The following MAGI2 variants were observed in gnomAD, a reference collection of about 807,000 sequenced individuals.
MAGI2 encodes membrane associated guanylate kinase, WW and PDZ domain containing 2.
MAGI2 carries 35 observed loss-of-function variants against 133.3 expected under a neutral mutation model. The observed-to-expected ratio is 0.26, with a 90% confidence interval of 0.20 to 0.35. MAGI2 has a LOEUF of 0.35. Ranked by LOEUF, MAGI2 falls within the 10% of genes least tolerant of loss-of-function variation. The probability of loss-of-function intolerance (pLI) is 1.00; values close to 1 mark genes in which losing one functional copy is unlikely to be tolerated. For synonymous variants in MAGI2, 729 were observed against 710.6 expected (o/e 1.03, Z -0.41); for missense variants, 1,636 against 1,863.4 (o/e 0.88, Z 2.25).
Position 79,329,057 on chromosome 7 carries a change from T to C in MAGI2, c.301+123963A>G, listed in dbSNP as rs185011115. Among the ~76,000 whole-genome samples, 562 of 152,328 alleles carry C rather than the reference T, an allele frequency of 3.7e-3. 7 individuals are homozygous for C. Among genetic ancestry groups the C allele is most frequent in the Middle Eastern group, 6.8e-3 (2 of 294 alleles). ...TATGTTTAAAGAGTCCTAAAGATGA[T>C]TCTGGTGATAAGATTTCAGAACCAC... is the stretch of plus-strand genomic sequence containing the variant. On this transcript the variant is annotated intron_variant, in intron 1 of 21. Transcript: ENST00000354212.
At chr7:79,133,254 T>C (rs566355403) in intron 1 of MAGI2, among the ~76,000 whole-genome samples, 119 of 152,328 alleles carry the variant, frequency 7.8e-4, no homozygotes, top group African/African-American at 2.8e-3. Context: ...TTTTCCAACA[T>C]TATCTTCTAG....
chr7:78,597,166 G>C (rs1804696318), intron 3 of MAGI2, among the ~76,000 whole-genome samples: 1 of 152,098 alleles, frequency 6.6e-6, no homozygotes, highest in Admixed American at 6.6e-5. Context: ...TGAAAAACAT[G>C]CTGGCAGAAG....
chr7:79,052,410 A>G (rs1039971777), intron 1 of MAGI2, among the ~76,000 whole-genome samples: 9 of 152,186 alleles, frequency 5.9e-5, no homozygotes, highest in Non-Finnish European at 1.2e-4. Flanking sequence ...GCACAGGGCC[A>G]TTTTGAGCAT....
At chr7:78,283,530 G>C (rs1456836016) in intron 9 of MAGI2, among the ~76,000 whole-genome samples, 1 of 152,058 alleles carries the variant, frequency 6.6e-6, no homozygotes, top group African/African-American at 2.4e-5. Context: ...TGAGTTACCT[G>C]ACCATTGTTT....
At chr7:78,745,425 T>C (rs1822835214) in intron 2 of MAGI2, among the ~76,000 whole-genome samples, 1 of 152,088 alleles carries the variant, frequency 6.6e-6, no homozygotes, top group Non-Finnish European at 1.5e-5. Context: ...AACTCTACTA[T>C]CCTGATTTGC....
At chr7:78,455,302 G>A (rs1324330698) in intron 6 of MAGI2, among the ~76,000 whole-genome samples, 1 of 152,100 alleles carries the variant, frequency 6.6e-6, no homozygotes, top group Non-Finnish European at 1.5e-5. Context: ...CTACTTATCT[G>A]TTGTTATACT....
intron 1 of MAGI2, among the ~76,000 whole-genome samples, chr7:79,289,421 C>T (rs73373160): frequency 1.9e-3 from 291 of 152,244 alleles, no homozygotes; most frequent in African/African-American, 6.5e-3. Context: ...TATTTTCTAA[C>T]ACCTTTGAGG....
chr7:79,379,148 T>C (rs1168641815), intron 1 of MAGI2, among the ~76,000 whole-genome samples: 1 of 149,272 alleles, frequency 6.7e-6, no homozygotes, highest in Admixed American at 6.7e-5. Context: ...TGTGTGATGT[T>C]CCCCTTCCTG....
At chr7:78,209,515 C>A (rs1179037362) in intron 10 of MAGI2, among the ~76,000 whole-genome samples, 1 of 151,814 alleles carries the variant, frequency 6.6e-6, no homozygotes, top group Non-Finnish European at 1.5e-5. Flanking sequence ...CCCACCATGG[C>A]TTCCCAAAGT....
chr7:78,282,388 C>CTAT (rs1199564019), intron 9 of MAGI2, among the ~76,000 whole-genome samples: 13 of 152,080 alleles, frequency 8.5e-5, no homozygotes, highest in African/African-American at 2.9e-4. Flanking sequence ...AGCACACTGC[C>CTAT]TATTTTTGCA....
intron 2 of MAGI2, among the ~76,000 whole-genome samples, chr7:78,990,688 A>G (rs189070520): frequency 6.6e-6 from 1 of 152,214 alleles, no homozygotes; most frequent in East Asian, 1.9e-4. Context: ...GATAGATAAA[A>G]TAATAATAGA....
chr7:78,701,402 T>C (rs1444569620), intron 2 of MAGI2, among the ~76,000 whole-genome samples: 1 of 151,800 alleles, frequency 6.6e-6, no homozygotes, highest in African/African-American at 2.4e-5. Flanking sequence ...GAAATGCAGA[T>C]CATATTTGTA....
At chr7:78,669,585 T>A (rs1814087992) in intron 2 of MAGI2, among the ~76,000 whole-genome samples, 2 of 152,200 alleles carry the variant, frequency 1.3e-5, no homozygotes, top group South Asian at 2.1e-4. Context: ...GCCAGCATCA[T>A]CCTGATACCA....
rs907474336 is a variant in MAGI2, at chr7:78,715,590, A to G, written c.419-88351T>C. Among the ~76,000 whole-genome samples the G allele has an allele frequency of 6.6e-5, 10 of 152,242 alleles. No homozygotes were observed. The South Asian group carries it at 1.0e-3, about 16-fold the overall frequency. On this transcript the variant is annotated intron_variant, in intron 2 of 21. Transcript: ENST00000354212. ...AAAGCTGTAAGAAAGCAATGAGCAG[A>G]ATGATTAGCCTAATGACACAAATAT...
intron 1 of MAGI2, among the ~76,000 whole-genome samples, chr7:79,133,893 ATG>A (rs1487283271): frequency 6.6e-6 from 1 of 152,200 alleles, no homozygotes; most frequent in Admixed American, 6.5e-5. Context: ...ACTGGGACCC[ATG>A]TAATAACTAA....
Position 78,083,420 on chromosome 7 carries a change from G to GAGAGAGAGAGAC in MAGI2, c.3568-4347_3568-4336dup, listed in dbSNP as rs796936674. Reference sequence around the variant, plus strand: ...AGAGAGAGAGAGAGAGAGAGAGAGAGAGAGAGAGAGACAGAGAGAGAGACA... The same window carrying GAGAGAGAGAGAC: ...AGAGAGAGAGAGAGAGAGAGAGAGAGAGAGAGAGAGACAGAGAGAGAGACAGAGAGAGAGACA... On this transcript the variant is annotated intron_variant, in intron 20 of 21. Coordinates refer to ENST00000354212, the MANE Select transcript of MAGI2 (RefSeq NM_012301.4). 8.6e-3 allele frequency among the ~76,000 whole-genome samples: 1,091 copies of GAGAGAGAGAGAC among 127,602 alleles called. 15 individuals are homozygous for GAGAGAGAGAGAC. The highest frequency in any genetic ancestry group is 0.058 in the East Asian group (162 of 2,790). 83.7% of individuals were successfully genotyped at this position (127,602 alleles called of 152,430 possible). A position where few individuals can be genotyped will look rare whatever the true frequency, so the allele number is the denominator to read the frequency against.
intron 2 of MAGI2, among the ~76,000 whole-genome samples, chr7:78,955,723 C>CTCTTTCTTTCTTTCTTCCTTCCTT (rs1802268043): frequency 1.2e-5 from 1 of 83,434 alleles, no homozygotes; most frequent in African/African-American, 4.7e-5. Context: ...TTCTTTCTTT[C>CTCTTTCTTTCTTTCTTCCTTCCTT]TCTTTCTTTC....
Position 78,192,387 on chromosome 7 carries a change from C to G in MAGI2, c.2269+2487G>C, listed in dbSNP as rs945233276. On this transcript the variant is annotated intron_variant, in intron 12 of 21. Coordinates refer to ENST00000354212, the MANE Select transcript of MAGI2 (RefSeq NM_012301.4). ...TTTTATGATCATTGCATTAAAAAAA[C>G]CTATTTGAAGATGATGAGAAACAGA... Among the ~76,000 whole-genome samples, 5 of 151,938 alleles carry G rather than the reference C, an allele frequency of 3.3e-5. No homozygotes were observed. The East Asian group carries it at 9.6e-4, about 29-fold the overall frequency.
At chr7:78,871,193 C>A (rs977484387) in intron 2 of MAGI2, among the ~76,000 whole-genome samples, 1 of 151,970 alleles carries the variant, frequency 6.6e-6, no homozygotes, top group Non-Finnish European at 1.5e-5. Flanking sequence ...CGCCTGTAGT[C>A]CCAGCTACTC....
Sources: gnomAD v4.1 joint callset for allele counts (sites outside exome capture counted in the v4.1 genomes callset) on GRCh38, gnomAD v4.1.1 for gene constraint, MANE v1.5 for transcripts, NCBI Gene and HGNC (gene_info 2026-07-23, HGNC 2026-07-21) for gene names.